The following RABGAP1 variants were observed in gnomAD, a reference collection of about 807,000 sequenced individuals.
RABGAP1 encodes rab GTPase-activating protein 1.
RABGAP1 carries 23 observed loss-of-function variants against 137.6 expected under a neutral mutation model. The ratio of observed to expected loss-of-function variants is 0.17; its 90% confidence interval spans 0.12 to 0.24. The LOEUF (loss-of-function observed/expected upper bound fraction) is 0.24, where lower values mean the gene tolerates loss of function less well. Among genes scored for constraint, RABGAP1 ranks in the 10% least tolerant of loss-of-function variants. The pLI, the probability that RABGAP1 is intolerant of heterozygous loss-of-function variation, is 1.00. For missense variants in RABGAP1, 906 were observed against 1,275.8 expected (o/e 0.71, Z 4.42); for synonymous variants, 451 against 450.7 (o/e 1.00, Z -0.01).
chr9:123,104,003 A>ATG lies in RABGAP1; in HGVS notation c.*791_*792insGT, dbSNP rs2035426855. 8.5e-6 allele frequency: 1 copy of ATG among 117,710 alleles called. No homozygotes were observed. Among genetic ancestry groups the ATG allele is most frequent in the African/African-American group, 3.4e-5 (1 of 29,530 alleles). 7.3% of individuals were successfully genotyped at this position (117,710 alleles called of 1,614,324 possible). ...TGTGTGTGTGTGTGTGTGTATGTAT[A>ATG]TATATATATAAATATCTTTCCCAAT... On this transcript the variant is annotated 3_prime_UTR_variant, in exon 26 of 26. Transcript: ENST00000373647.
chr9:123,023,644 A>G (rs2031784123), intron 13 of RABGAP1, among the ~76,000 whole-genome samples: 1 of 152,246 alleles, frequency 6.6e-6, no homozygotes, highest in Non-Finnish European at 1.5e-5. Context: ...ATTACACTTT[A>G]AAAATATATT....
At chr9:122,966,918 A>G (rs1413960612) in intron 2 of RABGAP1, among the ~76,000 whole-genome samples, 2 of 152,182 alleles carry the variant, frequency 1.3e-5, no homozygotes, top group African/African-American at 2.4e-5. Context: ...AAACCATCAG[A>G]TCTCGTGAGA....
intron 1 of RABGAP1, among the ~76,000 whole-genome samples, chr9:122,949,643 C>T (rs1346636701): frequency 1.5e-5 from 2 of 132,360 alleles, no homozygotes; most frequent in East Asian, 2.2e-4. Flanking sequence ...TGCAGTGAGC[C>T]AAGATCATAC....
chr9:122,987,909 A>G (rs1836451602), intron 4 of RABGAP1, among the ~76,000 whole-genome samples: 1 of 152,200 alleles, frequency 6.6e-6, no homozygotes, highest in Non-Finnish European at 1.5e-5. Context: ...TATCAGCAGT[A>G]TATAGAATAT....
At chr9:123,081,376 T>C (rs971299775) in intron 19 of RABGAP1, among the ~76,000 whole-genome samples, 1 of 152,170 alleles carries the variant, frequency 6.6e-6, no homozygotes, top group African/African-American at 2.4e-5. Context: ...AAGGTGAGAA[T>C]TGGAAATATT....
At chr9:123,057,516 C>T (rs1477195150) in intron 13 of RABGAP1, among the ~76,000 whole-genome samples, 1 of 151,518 alleles carries the variant, frequency 6.6e-6, no homozygotes, top group Non-Finnish European at 1.5e-5. Context: ...AGAGGCGCTC[C>T]TCACTTCCTA....
At chr9:122,932,628 C>G in the RABGAP1 span, among the ~76,000 whole-genome samples, 2 of 151,948 alleles carry the variant, frequency 1.3e-5, no homozygotes, top group African/African-American at 4.8e-5. Flanking sequence ...CTCCTGGGTT[C>G]AAGCGGTTCT....
At chr9:123,088,750 A>G (rs1031912568) in intron 19 of RABGAP1, among the ~76,000 whole-genome samples, 10 of 152,228 alleles carry the variant, frequency 6.6e-5, no homozygotes, top group Admixed American at 5.2e-4. Context: ...TAGCTTGAAG[A>G]AGGAGACAGA....
At chr9:122,959,384 A>AG (rs71388332) in intron 2 of RABGAP1, among the ~76,000 whole-genome samples, 5 of 150,282 alleles carry the variant, frequency 3.3e-5, no homozygotes, top group Admixed American at 2.6e-4. Flanking sequence ...AAAAAAAAAA[A>AG]GAGTGGAAAT....
At chr9:122,954,228 C>T (rs191169768) in intron 1 of RABGAP1, among the ~76,000 whole-genome samples, 5 of 152,214 alleles carry the variant, frequency 3.3e-5, no homozygotes, top group Admixed American at 2.6e-4. Flanking sequence ...TCTGGGGTAC[C>T]TCTTCATTGT....
At chr9:123,095,253 C>G (rs968800802) in intron 21 of RABGAP1, among the ~76,000 whole-genome samples, 1 of 138,626 alleles carries the variant, frequency 7.2e-6, no homozygotes, top group Non-Finnish European at 1.5e-5. Context: ...AAAAAAAAAG[C>G]CAGCTTTTGC....
intron 24 of RABGAP1, 79 bp downstream of exon 24, chr9:123,099,628 C>A: frequency 1.6e-6 from 2 of 1,233,240 alleles, no homozygotes; most frequent in Non-Finnish European, 2.3e-6. Flanking sequence ...TGGGAGGAGG[C>A]AGTTGATTTC....
intron 13 of RABGAP1, among the ~76,000 whole-genome samples, chr9:123,025,543 C>CTTTTCTTTTTTT (rs1554719836): frequency 4.0e-5 from 3 of 74,998 alleles, no homozygotes; most frequent in Non-Finnish European, 8.2e-5. Flanking sequence ...TCTTTCTTTT[C>CTTTTCTTTTTTT]TTTTTTTTTT....
At chr9:123,022,868 TATC>T (rs2031731451) in intron 13 of RABGAP1, among the ~76,000 whole-genome samples, 1 of 152,172 alleles carries the variant, frequency 6.6e-6, no homozygotes, top group African/African-American at 2.4e-5. Flanking sequence ...AATTAAGAGT[TATC>T]ATTGTGTGGG....
At chr9:123,017,949 AGT>A (rs2031352169) in intron 12 of RABGAP1, among the ~76,000 whole-genome samples, 1 of 152,198 alleles carries the variant, frequency 6.6e-6, no homozygotes, top group African/African-American at 2.4e-5. Flanking sequence ...ATTAGATTTT[AGT>A]GGTAGTATTA....
At chr9:122,940,766 G>C, upstream of RABGAP1, 1 of 153,142 alleles carries the variant, frequency 6.5e-6, no homozygotes, top group Non-Finnish European at 1.5e-5. Context: ...GTAGTTGGCT[G>C]TCCAACTCCA....
At chr9:123,066,792 C>T (rs983387038) in intron 14 of RABGAP1, among the ~76,000 whole-genome samples, 2 of 152,146 alleles carry the variant, frequency 1.3e-5, no homozygotes, top group African/African-American at 4.8e-5. Flanking sequence ...TCAATTGTAT[C>T]AAACAGAATG....
intron 2 of RABGAP1, among the ~76,000 whole-genome samples, chr9:122,969,436 G>A (rs543572625): frequency 6.6e-6 from 1 of 152,154 alleles, no homozygotes; most frequent in Non-Finnish European, 1.5e-5. Flanking sequence ...TATTTCCTCT[G>A]TGTGTTTTAA....
At chr9:123,029,317 A>AT (rs879073741) in intron 13 of RABGAP1, 14,106 of 533,112 alleles carry the variant, frequency 0.026, no homozygotes, top group South Asian at 0.033. Context: ...TTTAAAGCTC[A>AT]TTTTTTTTTT....
Sources: allele counts gnomAD v4.1 joint callset (sites outside exome capture counted in the v4.1 genomes callset), GRCh38; gene constraint gnomAD v4.1.1; transcripts MANE v1.5; gene names NCBI Gene and HGNC (gene_info 2026-07-23, HGNC 2026-07-21).